KIF13A: variants seen among roughly 807,000 people sequenced by gnomAD.
KIF13A encodes kinesin-like protein KIF13A.
KIF13A carries 79 observed loss-of-function variants against 212.2 expected under a neutral mutation model. The observed-to-expected ratio is 0.37, with a 90% confidence interval of 0.31 to 0.45. The LOEUF is 0.45. KIF13A is among the 20% of genes least tolerant of loss of function. The pLI, the probability that KIF13A is intolerant of heterozygous loss-of-function variation, is 1.00. For synonymous variants in KIF13A, 789 were observed against 808.6 expected (o/e 0.98, Z 0.41); for missense variants, 1,901 against 2,209.0 (o/e 0.86, Z 2.79).
At position 17,838,718 on chromosome 6, in the gene KIF13A, C is replaced by T. The variant is rs9477538; in HGVS notation, c.831-1135G>A. Reference sequence around the variant, plus strand: ...GCATGTCCTTACTCATAAGTGGAAGCTAAATAACGTGTACTCATGGACATA... The same window carrying T: ...GCATGTCCTTACTCATAAGTGGAAGTTAAATAACGTGTACTCATGGACATA... On this transcript the variant is annotated intron_variant, in intron 9 of 38. Transcript: ENST00000259711. The surrounding 1 kb of genome is among the most constrained non-coding windows in gnomAD (Gnocchi z 4.2). Among the ~76,000 whole-genome samples, 9,449 of 152,176 alleles carry T rather than the reference C, an allele frequency of 0.062. 371 individuals carry two copies. The highest frequency in any genetic ancestry group is 0.088 in the Middle Eastern group (26 of 294).
intron 11 of KIF13A, among the ~76,000 whole-genome samples, chr6:17,836,657 T>A (rs1016863860): frequency 2.0e-5 from 3 of 152,142 alleles, no homozygotes; most frequent in Non-Finnish European, 2.9e-5. Context: ...GAGAACTCAC[T>A]ATCACGAGAA....
chr6:17,946,644 G>A (rs1179332517), intron 2 of KIF13A, among the ~76,000 whole-genome samples: 3 of 152,146 alleles, frequency 2.0e-5, no homozygotes, highest in Non-Finnish European at 2.9e-5. Flanking sequence ...ATTAAGTACT[G>A]TCATTATCTT....
At chr6:17,848,858 T>C (rs947519630) in intron 9 of KIF13A, among the ~76,000 whole-genome samples, 3 of 152,188 alleles carry the variant, frequency 2.0e-5, no homozygotes, top group Admixed American at 6.5e-5. Flanking sequence ...TCCACTCACC[T>C]TGGCCTTCCA....
Position 17,947,806 on chromosome 6 carries a change from G to A in KIF13A, c.146+39248C>T, listed in dbSNP as rs927992246. On this transcript the variant is annotated intron_variant, in intron 2 of 38. Coordinates refer to ENST00000259711, the MANE Select transcript of KIF13A (RefSeq NM_022113.6). This position sits in a 1 kb window ranked among gnomAD's most constrained non-coding sequence, Gnocchi z 4.6. ...CAGTGAGCCGAGATTGCGCCATTGC[G>A]CTCCAGCCTGTGTGACAAGAGCAAA... 8.6e-5 allele frequency among the ~76,000 whole-genome samples: 13 copies of A among 151,872 alleles called. No individual in the cohort carries two copies. The highest frequency in any genetic ancestry group is 2.1e-4 in the South Asian group (1 of 4,806).
At position 17,771,897 on chromosome 6, in the gene KIF13A, C is replaced by A; in HGVS notation, c.4476+11G>T. 2 of 1,613,702 alleles carry A rather than the reference C, an allele frequency of 1.2e-6. No homozygotes were observed. Among genetic ancestry groups the A allele is most frequent in the Non-Finnish European group, 1.7e-6 (2 of 1,179,724 alleles). ...TCTATTCTGCATAGTACAGACAAGT[C>A]AAGCATTTACCTCCTGGCTTAGAAG... On this transcript the variant is annotated intron_variant, in intron 37 of 38. Coordinates refer to ENST00000259711, the MANE Select transcript of KIF13A (RefSeq NM_022113.6). This position sits in a 1 kb window ranked among gnomAD's most constrained non-coding sequence, Gnocchi z 5.4.
At chr6:17,894,559 G>C (rs1357571354) in intron 3 of KIF13A, among the ~76,000 whole-genome samples, 1 of 151,956 alleles carries the variant, frequency 6.6e-6, no homozygotes, top group Non-Finnish European at 1.5e-5. Context: ...ATAGTACAGA[G>C]TTCCTATATA....
chr6:17,826,110 C>T lies in KIF13A; in HGVS notation c.1547G>A (p.Gly516Asp), dbSNP rs868601077. ...PKENARSCVNGTLVCSTTQLW... is the reference protein window; with the variant it reads ...PKENARSCVNDTLVCSTTQLW... ...CTGGGTGGTACTGCACACAAGGGTG[C>T]CGTTCACACAGGACCTGGGAGAACA... Residue 516 changes from glycine to aspartate, a missense_variant, in exon 15 of 39, where the codon GGC becomes GAC. Transcript: ENST00000259711. The surrounding 1 kb of genome is among the most constrained non-coding windows in gnomAD (Gnocchi z 4.7). The T allele has an allele frequency of 6.2e-7, 1 of 1,613,858 alleles. No individual in the cohort carries two copies. Among genetic ancestry groups the T allele is most frequent in the South Asian group, 1.1e-5 (1 of 91,076 alleles).
chr6:17,987,425 C>T lies in KIF13A; in HGVS notation c.39G>A (p.Arg13=), dbSNP rs774198078. 3.0e-6 allele frequency: 4 copies of T among 1,354,868 alleles called. No homozygotes were observed. In the Admixed American group the frequency reaches 8.6e-5, roughly 29 times the overall value. The allele number at this position is 1,354,868 out of a possible 1,614,324, so 83.9% of individuals were successfully genotyped here. The part of the protein sequence containing the change: ...DTKVKVAVRV[R]PMNRRELELN... ...GCTCCTCACCTCGTCGGTTCATGGG[C>T]CGGACCCGGACGGCAACTTTTACCT... Residue 13 remains arginine, a synonymous_variant, in exon 1 of 39, where the codon CGG becomes CGA. Coordinates refer to ENST00000259711, the MANE Select transcript of KIF13A (RefSeq NM_022113.6). This position sits in a 1 kb window ranked among gnomAD's most constrained non-coding sequence, Gnocchi z 7.7.
intron 23 of KIF13A, among the ~76,000 whole-genome samples, chr6:17,795,394 C>T (rs1761939587): frequency 1.3e-5 from 2 of 150,156 alleles, no homozygotes; most frequent in African/African-American, 4.9e-5. Flanking sequence ...ACCAGCCTGG[C>T]CAACATGGTG....
intron 2 of KIF13A, among the ~76,000 whole-genome samples, chr6:17,976,569 C>T (rs888584495): frequency 6.6e-6 from 1 of 152,186 alleles, no homozygotes; most frequent in Non-Finnish European, 1.5e-5. Flanking sequence ...CGCGCCTCTC[C>T]CTCCACACCT....
At chr6:17,908,706 A>C (rs892285741) in intron 2 of KIF13A, among the ~76,000 whole-genome samples, 1 of 152,220 alleles carries the variant, frequency 6.6e-6, no homozygotes, top group African/African-American at 2.4e-5. Flanking sequence ...TTTTTAAAAA[A>C]TTACCAGTTA....
chr6:17,953,679 G>A (rs532658176), intron 2 of KIF13A: 14 of 169,858 alleles, frequency 8.2e-5, no homozygotes, highest in East Asian at 7.7e-4. Context: ...GACAAGCACC[G>A]AGCCCATCTT....
chr6:17,984,629 T>G lies in KIF13A; in HGVS notation c.146+2425A>C. 2.6e-6 allele frequency: 2 copies of G among 783,622 alleles called. No individual in the cohort carries two copies. Among genetic ancestry groups the G allele is most frequent in the Non-Finnish European group, 3.1e-6 (2 of 646,002 alleles). 48.5% of individuals were successfully genotyped at this position (783,622 alleles called of 1,614,324 possible). On this transcript the variant is annotated intron_variant, in intron 2 of 38. Transcript: ENST00000259711. The surrounding 1 kb of genome is among the most constrained non-coding windows in gnomAD (Gnocchi z 5.0). ...GGACGTCAATGCATTCTCACTTGTT[T>G]TTACTGGTAAGACTGAAAACTTTCA... is the stretch of plus-strand genomic sequence containing the variant.
At chr6:17,818,846 A>G (rs906680665) in intron 16 of KIF13A, among the ~76,000 whole-genome samples, 4 of 152,194 alleles carry the variant, frequency 2.6e-5, no homozygotes, top group African/African-American at 7.2e-5. Context: ...CTTACCCCCA[A>G]TGTTTTGCTT....
chr6:17,764,353 G>A lies in KIF13A; in HGVS notation c.5175C>T (p.His1725=). Residue 1725 remains histidine, a synonymous_variant, in exon 39 of 39, where the codon CAC becomes CAT. Transcript: ENST00000259711. The surrounding 1 kb of genome is among the most constrained non-coding windows in gnomAD (Gnocchi z 5.1). ...GFCPREVTVE[H]TTNILEDHSF... ...AATGGTCTTCAAGGATGTTGGTGGT[G>A]TGTTCTACCGTCACCTCCCTGGGGC... 1 of 1,613,980 alleles carries A rather than the reference G, an allele frequency of 6.2e-7. No homozygotes were observed. The highest frequency in any genetic ancestry group is 1.1e-5 in the South Asian group (1 of 91,080).
At chr6:17,949,653 C>A (rs1271482113) in intron 2 of KIF13A, among the ~76,000 whole-genome samples, 1 of 152,082 alleles carries the variant, frequency 6.6e-6, no homozygotes, top group African/African-American at 2.4e-5. Flanking sequence ...AAATTTTGAT[C>A]AAAGACATGA....
chr6:17,871,566 T>C lies in KIF13A; in HGVS notation c.220+1811A>G, dbSNP rs1271439386. On this transcript the variant is annotated intron_variant, in intron 4 of 38. Transcript: ENST00000259711. This position sits in a 1 kb window ranked among gnomAD's most constrained non-coding sequence, Gnocchi z 4.4. ...GAGTCATGAATACTTAAAAAATTAT[T>C]GTGAGACTTTCTGGCTTCCTGAGTT... Among the ~76,000 whole-genome samples the C allele has an allele frequency of 3.9e-5, 6 of 152,188 alleles. No individual in the cohort carries two copies. The highest frequency in any genetic ancestry group is 3.9e-4 in the Admixed American group (6 of 15,262).
intron 3 of KIF13A, among the ~76,000 whole-genome samples, chr6:17,887,070 C>T (rs1325700150): frequency 6.6e-6 from 1 of 152,162 alleles, no homozygotes; most frequent in Non-Finnish European, 1.5e-5. Context: ...CCTCACCATA[C>T]TGACATCAGG....
intron 20 of KIF13A, among the ~76,000 whole-genome samples, chr6:17,803,918 C>T (rs1762699160): frequency 2.0e-5 from 3 of 152,140 alleles, no homozygotes; most frequent in Admixed American, 6.6e-5. Context: ...TTTGGGAAGC[C>T]GAGGCGGGCG....
Sources: gnomAD v4.1 joint callset for allele counts (sites outside exome capture counted in the v4.1 genomes callset) on GRCh38, gnomAD v4.1.1 for gene constraint, Gnocchi (gnomAD v3.1) non-coding constraint, MANE v1.5 for transcripts, NCBI Gene and HGNC (gene_info 2026-07-23, HGNC 2026-07-21) for gene names.